GALC: variants seen among roughly 807,000 people sequenced by gnomAD.
GALC encodes the protein galactocerebrosidase.
In GALC, 77 loss-of-function variants were observed where a neutral mutation model predicts 91.8. That is an observed-to-expected ratio of 0.84 (90% CI 0.70 to 1.01). GALC has a LOEUF of 1.01. GALC is among the 50% of genes least tolerant of loss of function. GALC has a pLI of 0.00. For synonymous variants in GALC, 357 were observed against 306.7 expected (o/e 1.16, Z -1.71); for missense variants, 882 against 855.9 (o/e 1.03, Z -0.38).
At chr14:87,964,483 G>C (rs17760434) in intron 9 of GALC, among the ~76,000 whole-genome samples, 1 of 152,002 alleles carries the variant, frequency 6.6e-6, no homozygotes, top group Non-Finnish European at 1.5e-5. Context: ...CTGCAGAAAA[G>C]TTTCAACATT....
At position 87,934,184 on chromosome 14, in the gene GALC, G is replaced by A; in HGVS notation, c.*548C>T. On this transcript the variant is annotated 3_prime_UTR_variant, in exon 17 of 17. Transcript: ENST00000261304. ...ACTCATCATATCCTGCATTTCAAAAGTATCATCTTAAAAAGGAAAATAAAA... is the reference window on the plus strand; with the variant it reads ...ACTCATCATATCCTGCATTTCAAAAATATCATCTTAAAAAGGAAAATAAAA... 7.2e-7 allele frequency: 1 copy of A among 1,392,530 alleles called. No individual in the cohort carries two copies. Among genetic ancestry groups the A allele is most frequent in the South Asian group, 1.7e-5 (1 of 57,396 alleles). 86.3% of individuals were successfully genotyped at this position (1,392,530 alleles called of 1,614,324 possible). A position where few individuals can be genotyped will look rare whatever the true frequency, so the allele number is the denominator to read the frequency against.
chr14:87,974,757 A>T (rs1396373394), intron 7 of GALC, among the ~76,000 whole-genome samples: 1 of 152,072 alleles, frequency 6.6e-6, no homozygotes, highest in Non-Finnish European at 1.5e-5. Flanking sequence ...TTCCCAAAAA[A>T]ATGTAAATAA....
chr14:87,991,255 T>C (rs1361080119), intron 1 of GALC, among the ~76,000 whole-genome samples: 1 of 152,140 alleles, frequency 6.6e-6, no homozygotes, highest in African/African-American at 2.4e-5. Context: ...CAGGCTGGAG[T>C]GCAGTGGTGT....
At chr14:87,966,923 A>G (rs948350818) in intron 8 of GALC, among the ~76,000 whole-genome samples, 2 of 152,178 alleles carry the variant, frequency 1.3e-5, no homozygotes, top group African/African-American at 4.8e-5. Flanking sequence ...TTTCCACATC[A>G]GTGTTTCCCA....
chr14:87,992,807 C>G (rs1034516225), intron 1 of GALC, 163 bp downstream of exon 1: 418 of 1,404,302 alleles, frequency 3.0e-4, no homozygotes, highest in Non-Finnish European at 3.7e-4. Context: ...GCCCCAGCCC[C>G]GCAGCGGGCC....
intron 3 of GALC, chr14:87,987,867 T>C: frequency 4.7e-6 from 2 of 421,384 alleles, no homozygotes; most frequent in South Asian, 6.0e-5. Context: ...TGCTCTGTCC[T>C]GTATATATAG....
chr14:87,982,104 G>A lies in GALC; in HGVS notation c.621+101C>T, dbSNP rs547486557. Reference sequence around the variant, plus strand: ...TAAATAACTGTAGTATAAAAAATACGGTATTTCCAACACAAATTTCCTACT... The same window carrying A: ...TAAATAACTGTAGTATAAAAAATACAGTATTTCCAACACAAATTTCCTACT... On this transcript the variant is annotated intron_variant, in intron 6 of 16. Transcript: ENST00000261304. 626 of 647,676 alleles carry A rather than the reference G, an allele frequency of 9.7e-4. 7 individuals carry two copies. Among genetic ancestry groups the A allele is most frequent in the Middle Eastern group, 1.3e-3 (4 of 2,996 alleles). 40.1% of individuals were successfully genotyped at this position (647,676 alleles called of 1,614,324 possible).
chr14:87,953,978 T>A, intron 10 of GALC: 1 of 1,609,300 alleles, frequency 6.2e-7, no homozygotes, highest in Non-Finnish European at 8.5e-7. Context: ...TTTGGGCATA[T>A]ACAGTGTTTC....
chr14:87,943,253 G>T (rs1884929906), intron 14 of GALC, among the ~76,000 whole-genome samples: 1 of 152,010 alleles, frequency 6.6e-6, no homozygotes, highest in Non-Finnish European at 1.5e-5. Context: ...GCAGGGAAAG[G>T]TAATTTTGTG....
chr14:87,986,674 C>G, intron 3 of GALC, 72 bp from the exon 4 acceptor site: 1 of 853,682 alleles, frequency 1.2e-6, no homozygotes, highest in Non-Finnish European at 2.0e-6. Flanking sequence ...TCACTCCCCA[C>G]CCCCACCCCA....
chr14:87,968,099 T>C (rs1223945343), intron 8 of GALC, among the ~76,000 whole-genome samples: 1 of 152,136 alleles, frequency 6.6e-6, no homozygotes, highest in Non-Finnish European at 1.5e-5. Flanking sequence ...CTGCATGTAT[T>C]TTGCTACATA....
At chr14:87,963,941 C>T (rs1381288965) in intron 9 of GALC, among the ~76,000 whole-genome samples, 1 of 152,098 alleles carries the variant, frequency 6.6e-6, no homozygotes, top group East Asian at 1.9e-4. Flanking sequence ...TTGGTCACCT[C>T]CTAAGCTCGT....
intron 12 of GALC, among the ~76,000 whole-genome samples, chr14:87,949,507 C>A (rs573813516): frequency 4.6e-5 from 7 of 151,704 alleles, no homozygotes; most frequent in Admixed American, 4.6e-4. Flanking sequence ...TCCAGGAGAG[C>A]GATAATGAAG....
chr14:87,962,376 G>A (rs1454165034), intron 10 of GALC, among the ~76,000 whole-genome samples: 2 of 151,964 alleles, frequency 1.3e-5, no homozygotes, highest in Admixed American at 6.6e-5. Context: ...CTTCATCCAC[G>A]ATAAGACATA....
intron 7 of GALC, among the ~76,000 whole-genome samples, chr14:87,970,478 C>T (rs575708050): frequency 2.0e-5 from 3 of 152,104 alleles, no homozygotes; most frequent in South Asian, 4.2e-4. Flanking sequence ...ACTGTTACCA[C>T]ATTCAAAACC....
intron 16 of GALC, among the ~76,000 whole-genome samples, chr14:87,938,337 T>C (rs921052301): frequency 1.3e-5 from 2 of 151,446 alleles, no homozygotes; most frequent in African/African-American, 2.4e-5. Flanking sequence ...AGTTAGAGAG[T>C]GAGATGGGGC....
In GALC at chr14:87,956,396, G is replaced by A. The variant is rs72629370; in HGVS notation, c.1162-5648C>T. On this transcript the variant is annotated intron_variant, in intron 10 of 16. Coordinates refer to ENST00000261304, the MANE Select transcript of GALC (RefSeq NM_000153.4). ...AGAGTTGATAGCATATATTATATAC[G>A]AGTTGCTACCATATATTATATATAA... 8.2e-3 allele frequency among the ~76,000 whole-genome samples: 1,239 copies of A among 151,862 alleles called. 55 individuals are homozygous for A. In the East Asian group the frequency reaches 0.12, roughly 15 times the overall value.
chr14:87,963,499 T>G lies in GALC; in HGVS notation c.1046A>C (p.Gln349Pro), dbSNP rs777871015. The G allele has an allele frequency of 6.2e-7, 1 of 1,612,528 alleles. No individual in the cohort carries two copies. Among genetic ancestry groups the G allele is most frequent in the Non-Finnish European group, 8.5e-7 (1 of 1,179,008 alleles). Residue 349 changes from glutamine to proline, a missense_variant, in exon 10 of 17, where the codon CAG becomes CCG. Transcript: ENST00000261304. ...SPVWVSAHTT[Q>P]FTQPGWYYLK... ...GTAATACCAGCCAGGTTGAGTAAACTGAGTGGTATGAGCTATAGAAAAACA... is the reference window on the plus strand; with the variant it reads ...GTAATACCAGCCAGGTTGAGTAAACGGAGTGGTATGAGCTATAGAAAAACA...
chr14:87,951,557 G>T (rs1885310465), intron 10 of GALC, among the ~76,000 whole-genome samples: 1 of 151,900 alleles, frequency 6.6e-6, no homozygotes, highest in African/African-American at 2.4e-5. Flanking sequence ...AAGCGCACAT[G>T]GAACACTGAC....
Sources: gnomAD v4.1 joint callset for allele counts (sites outside exome capture counted in the v4.1 genomes callset) on GRCh38, gnomAD v4.1.1 for gene constraint, MANE v1.5 for transcripts, NCBI Gene and HGNC (gene_info 2026-07-23, HGNC 2026-07-21) for gene names.